Variants in CLEC4D observed in about 807,000 individuals in gnomAD.
The protein encoded by CLEC4D is C-type lectin domain family 4 member D, also known as C-type (calcium dependent, carbohydrate-recognition domain) lectin, superfamily member 8.
Under a neutral mutation model 21.1 loss-of-function variants are expected in CLEC4D, and 21 were observed. The observed-to-expected ratio is 1.00, with a 90% CI of 0.71 to 1.43. The LOEUF (loss-of-function observed/expected upper bound fraction) is 1.43, where lower values mean the gene tolerates loss of function less well. Among genes scored for constraint, CLEC4D ranks in the 40% most tolerant of loss-of-function variants. CLEC4D has a pLI of 0.00. For synonymous variants in CLEC4D, 85 were observed against 83.1 expected, an observed-to-expected ratio of 1.02 and a Z score of -0.12; for missense variants, 289 against 260.7, an observed-to-expected ratio of 1.11 and a Z score of -0.75.
intron 2 of CLEC4D, among the ~76,000 whole-genome samples, 170 bp downstream of exon 2, chr12:8,515,498 T>G (rs1940367202): frequency 6.6e-6 from 1 of 152,218 alleles, no homozygotes; most frequent in Non-Finnish European, 1.5e-5. Context: ...CTTCTGTCTT[T>G]CAATGGTGGT....
chr12:8,519,273 T>A (rs1565492289), intron 4 of CLEC4D, 113 bp downstream of exon 4: 14 of 1,385,728 alleles, frequency 1.0e-5, no homozygotes, highest in Non-Finnish European at 1.3e-5. Context: ...TCCATCTGCC[T>A]GGAAAGCCCT....
At chr12:8,517,051 TAGTA>T (rs1269103186) in intron 2 of CLEC4D, among the ~76,000 whole-genome samples, 1 of 152,188 alleles carries the variant, frequency 6.6e-6, no homozygotes, top group Non-Finnish European at 1.5e-5. Context: ...AGGGACATGT[TAGTA>T]AGTGACAAAA....
At chr12:8,520,864 G>T (rs1022052339) in intron 5 of CLEC4D, among the ~76,000 whole-genome samples, 7 of 152,040 alleles carry the variant, frequency 4.6e-5, no homozygotes, top group African/African-American at 1.7e-4. Context: ...TATTACTGAG[G>T]TCTTTGACAT....
At chr12:8,514,434 T>C (rs1457685820) in intron 1 of CLEC4D, among the ~76,000 whole-genome samples, 1 of 152,154 alleles carries the variant, frequency 6.6e-6, no homozygotes, top group Non-Finnish European at 1.5e-5. Flanking sequence ...AATATTAGAT[T>C]ACAGTATGTG....
chr12:8,530,483 GA>G, the CLEC4D span, among the ~76,000 whole-genome samples: 1 of 141,596 alleles, frequency 7.1e-6, no homozygotes, highest in Non-Finnish European at 1.5e-5. Flanking sequence ...AAAGCCCGAA[GA>G]AGTGAAATTA....
intron 1 of CLEC4D, 78 bp downstream of exon 1, chr12:8,513,838 T>C: frequency 1.3e-6 from 1 of 774,534 alleles, no homozygotes; most frequent in South Asian, 1.5e-5. Context: ...TTGATGGTAG[T>C]TTTAAAGATT....
chr12:8,526,939 T>G (rs1940511596), downstream of CLEC4D, among the ~76,000 whole-genome samples: 1 of 152,092 alleles, frequency 6.6e-6, no homozygotes, highest in South Asian at 2.1e-4. Flanking sequence ...CTTTCAATGG[T>G]CAGGTCCCTC....
Position 8,515,386 on chromosome 12 carries a change from T to G in CLEC4D, c.121+58T>G. 7.9e-6 allele frequency: 7 copies of G among 886,260 alleles called. No homozygotes were observed. In the Admixed American group the frequency reaches 1.2e-4, roughly 15 times the overall value. The allele number at this position is 886,260 out of a possible 1,614,324, so 54.9% of individuals were successfully genotyped here. On this transcript the variant is annotated intron_variant, in intron 2 of 5. Transcript: ENST00000299665. ...AATTATTATTTCCAAACAACTTTTC[T>G]GAAGTTGCTCTAAGCCTTTTGGTAT...
downstream of CLEC4D, among the ~76,000 whole-genome samples, chr12:8,523,193 T>G (rs1387535533): frequency 2.0e-5 from 3 of 152,206 alleles, no homozygotes; most frequent in African/African-American, 7.2e-5. Context: ...CTTCTTTGAC[T>G]CTATATGAAA....
In CLEC4D at chr12:8,518,177, CT is replaced by C; in HGVS notation, c.139del (p.Ser47HisfsTer12). ...IASCLVTHHN[F>X]SRCKRGTGVH... is the part of the protein sequence containing the mutation. ...TATCCTTGACAGTGACTCATCACAA[CT>C]TTTCACGCTGTAAGAGAGGCACAGG... On this transcript the variant is annotated frameshift_variant, in exon 3 of 6. Transcript: ENST00000299665. LOFTEE classifies it high-confidence loss of function. The C allele has an allele frequency of 2.3e-6, 3 of 1,280,136 alleles. No individual in the cohort carries two copies. Among genetic ancestry groups the C allele is most frequent in the African/African-American group, 1.5e-5 (1 of 68,852 alleles). The allele number at this position is 1,280,136 out of a possible 1,614,324, so 79.3% of individuals were successfully genotyped here.
At chr12:8,520,453 A>G in intron 5 of CLEC4D, 112 bp downstream of exon 5, 3 of 1,430,658 alleles carry the variant, frequency 2.1e-6, no homozygotes, top group South Asian at 1.6e-5. Flanking sequence ...AAGAGAGACC[A>G]CTGTAGGTTG....
chr12:8,530,458 G>GAAAAAA, the CLEC4D span, among the ~76,000 whole-genome samples: 1 of 51,002 alleles, frequency 2.0e-5, no homozygotes, highest in African/African-American at 8.8e-5. Flanking sequence ...TATCAAGAAA[G>GAAAAAA]CAAAAAAAAA....
chr12:8,527,359 G>A (rs1022558899), downstream of CLEC4D, among the ~76,000 whole-genome samples: 2 of 152,184 alleles, frequency 1.3e-5, no homozygotes, highest in Non-Finnish European at 2.9e-5. Flanking sequence ...CCAGGCCCAC[G>A]GAGAACCAAA....
At chr12:8,518,742 A>C (rs1442884481) in intron 3 of CLEC4D, among the ~76,000 whole-genome samples, 1 of 152,240 alleles carries the variant, frequency 6.6e-6, no homozygotes, top group Non-Finnish European at 1.5e-5. Flanking sequence ...AAGTCAACAG[A>C]TGTAGGAACA....
At chr12:8,527,991 T>C in the CLEC4D span, among the ~76,000 whole-genome samples, 2 of 152,148 alleles carry the variant, frequency 1.3e-5, no homozygotes, top group African/African-American at 4.8e-5. Context: ...GCTCTGCTCT[T>C]TCTTCTCTCC....
chr12:8,525,528 T>C (rs750904686), downstream of CLEC4D, among the ~76,000 whole-genome samples: 2 of 152,316 alleles, frequency 1.3e-5, no homozygotes, highest in Non-Finnish European at 2.9e-5. Context: ...TTCGTTTCTT[T>C]CCATTTGCTT....
At chr12:8,524,689 C>T (rs775311256), downstream of CLEC4D, among the ~76,000 whole-genome samples, 1 of 152,238 alleles carries the variant, frequency 6.6e-6, no homozygotes, top group East Asian at 1.9e-4. Context: ...TTTCATGTCT[C>T]TATTCTCCTT....
chr12:8,528,299 AC>A, the CLEC4D span, among the ~76,000 whole-genome samples: 1 of 152,202 alleles, frequency 6.6e-6, no homozygotes, highest in Non-Finnish European at 1.5e-5. Flanking sequence ...ATGTTAGCAC[AC>A]GCAGCACCCT....
chr12:8,516,423 T>TA (rs1940382541), intron 2 of CLEC4D, among the ~76,000 whole-genome samples: 1 of 151,990 alleles, frequency 6.6e-6, no homozygotes, highest in African/African-American at 2.4e-5. Context: ...ATACTTACAA[T>TA]AAAAAAACTG....
Sources: allele counts gnomAD v4.1 joint callset (sites outside exome capture counted in the v4.1 genomes callset), GRCh38; gene constraint gnomAD v4.1.1; transcripts MANE v1.5; gene names NCBI Gene and HGNC (gene_info 2026-07-23, HGNC 2026-07-21).